SSUH2: variants seen among roughly 807,000 people sequenced by gnomAD.
SSUH2 encodes the protein ssu-2 homolog, also known as protein SSUH2 homolog.
Under a neutral mutation model 55.3 loss-of-function variants are expected in SSUH2, and 47 were observed. That is an observed-to-expected ratio of 0.85 (90% CI 0.67 to 1.08). The LOEUF (loss-of-function observed/expected upper bound fraction) is 1.08, where lower values mean the gene tolerates loss of function less well. Ranked by LOEUF, SSUH2 falls within the 50% of genes least tolerant of loss-of-function variation. SSUH2 has a pLI of 0.00. For synonymous variants in SSUH2, 212 were observed against 191.5 expected, an observed-to-expected ratio of 1.11 and a Z score of -0.89; for missense variants, 535 against 490.7, an observed-to-expected ratio of 1.09 and a Z score of -0.85.
At chr3:8,651,992 C>T (rs1702465123) in intron 7 of SSUH2, 1 of 152,578 alleles carries the variant, frequency 6.6e-6, no homozygotes, top group Admixed American at 6.5e-5. Flanking sequence ...TCACTCACCC[C>T]TCCATCCGGG....
At chr3:8,670,582 C>T (rs1559534158) in intron 5 of SSUH2, among the ~76,000 whole-genome samples, 1 of 152,034 alleles carries the variant, frequency 6.6e-6, no homozygotes, top group Non-Finnish European at 1.5e-5. Context: ...TAACATCCCC[C>T]TTGGATATTA....
At chr3:8,620,759 C>T (rs138101795) in intron 11 of SSUH2, among the ~76,000 whole-genome samples, 6 of 152,294 alleles carry the variant, frequency 3.9e-5, no homozygotes, top group African/African-American at 1.2e-4. Flanking sequence ...AGGATAAAGT[C>T]GGTTTAAACA....
chr3:8,665,367 G>A (rs1056636341), intron 5 of SSUH2, among the ~76,000 whole-genome samples: 5 of 152,216 alleles, frequency 3.3e-5, no homozygotes, highest in South Asian at 2.1e-4. Context: ...TTTAATTTTC[G>A]CAGATCAGCC....
intron 6 of SSUH2, among the ~76,000 whole-genome samples, chr3:8,663,184 C>T (rs560778488): frequency 6.6e-6 from 1 of 152,356 alleles, no homozygotes; most frequent in South Asian, 2.1e-4. Context: ...CCCCATTTTA[C>T]AGCTCATAAA....
chr3:8,623,372 C>A, intron 11 of SSUH2, 177 bp downstream of exon 11: 1 of 533,832 alleles, frequency 1.9e-6, no homozygotes, highest in Non-Finnish European at 3.4e-6. Context: ...CTGCGTCTTA[C>A]TTGCCCTGCT....
intron 3 of SSUH2, chr3:8,634,454 G>A: frequency 3.9e-6 from 5 of 1,289,944 alleles, no homozygotes; most frequent in Non-Finnish European, 5.1e-6. Flanking sequence ...TCCTCCCCTT[G>A]CATCTTCATG....
At chr3:8,666,821 G>A (rs1184207006) in intron 5 of SSUH2, among the ~76,000 whole-genome samples, 2 of 152,206 alleles carry the variant, frequency 1.3e-5, no homozygotes, top group African/African-American at 2.4e-5. Flanking sequence ...TGACCAACCT[G>A]CTTCAAGTTG....
chr3:8,620,898 T>C (rs1485572863), intron 11 of SSUH2, among the ~76,000 whole-genome samples: 1 of 152,244 alleles, frequency 6.6e-6, no homozygotes, highest in Admixed American at 6.5e-5. Context: ...ATTTTCAGGA[T>C]GGGGACCTCA....
At chr3:8,643,372 T>C (rs1471078761) in intron 1 of SSUH2, among the ~76,000 whole-genome samples, 1 of 152,162 alleles carries the variant, frequency 6.6e-6, no homozygotes, top group East Asian at 1.9e-4. Context: ...GAAACTCTAA[T>C]CATAAATGGA....
At position 8,629,654 on chromosome 3, in the gene SSUH2, G is replaced by GATGACTCACCAGTGGTTCACAA; in HGVS notation, c.588+9_588+10insTTGTGAACCACTGGTGAGTCAT. The GATGACTCACCAGTGGTTCACAA allele has an allele frequency of 6.2e-7, 1 of 1,614,070 alleles. No homozygotes were observed. Among genetic ancestry groups the GATGACTCACCAGTGGTTCACAA allele is most frequent in the Non-Finnish European group, 8.5e-7 (1 of 1,179,954 alleles). On this transcript the variant is annotated intron_variant, in intron 7 of 11. Transcript: ENST00000544814. Reference sequence around the variant, plus strand: ...CTCACTGACTCACCAGTGGTTCACAGATGACTCACCGTGCCCGCCCCGTGG... The same window carrying GATGACTCACCAGTGGTTCACAA: ...CTCACTGACTCACCAGTGGTTCACAGATGACTCACCAGTGGTTCACAAATGACTCACCGTGCCCGCCCCGTGG...
rs145855048 is a variant in SSUH2, at chr3:8,632,056, G to T, written c.393C>A (p.Pro131=). 1 of 1,613,626 alleles carries T rather than the reference G, an allele frequency of 6.2e-7. No homozygotes were observed. Among genetic ancestry groups the T allele is most frequent in the East Asian group, 2.2e-5 (1 of 44,868 alleles). Residue 131 remains proline (P), a synonymous_variant, in exon 5 of 12, where the codon CCC becomes CCA. Coordinates refer to ENST00000544814, the MANE Select transcript of SSUH2 (RefSeq NM_001256748.3). Reference sequence around the variant, plus strand: ...TTCAGACAATTCACTTACTAGTAAAGGGTTGAAATGTCCACTCGCTTATCC... The same window carrying T: ...TTCAGACAATTCACTTACTAGTAAATGGTTGAAATGTCCACTCGCTTATCC... The part of the protein sequence containing the change: ...ESRISEWTFQ[P]FTNHSVDGPQ...
intron 3 of SSUH2, among the ~76,000 whole-genome samples, chr3:8,673,333 G>A (rs892658357): frequency 2.0e-5 from 3 of 151,884 alleles, no homozygotes; most frequent in African/African-American, 4.8e-5. Context: ...TATTAATTGC[G>A]GTAAGTCACA....
chr3:8,633,562 A>C, intron 4 of SSUH2, 104 bp downstream of exon 4: 536 of 773,192 alleles, frequency 6.9e-4, no homozygotes, highest in Non-Finnish European at 9.7e-4. Context: ...TGCCCCCAGG[A>C]CTCCTTTCCC....
At chr3:8,639,928 TA>T in intron 1 of SSUH2, 4 of 980,374 alleles carry the variant, frequency 4.1e-6, no homozygotes, top group Non-Finnish European at 4.8e-6. Flanking sequence ...ACGTAAGTGT[TA>T]GGGGAACAGC....
At chr3:8,676,678 A>G (rs1436274339) in intron 3 of SSUH2, among the ~76,000 whole-genome samples, 1 of 150,062 alleles carries the variant, frequency 6.7e-6, no homozygotes, top group Non-Finnish European at 1.5e-5. Flanking sequence ...TCTCCCTTTC[A>G]GGATATTAAT....
chr3:8,676,720 G>A (rs1255526961), intron 3 of SSUH2, among the ~76,000 whole-genome samples: 3 of 150,124 alleles, frequency 2.0e-5, no homozygotes, highest in African/African-American at 7.3e-5. Flanking sequence ...AACACAGCCT[G>A]CGATGCTGGA....
chr3:8,670,479 A>C (rs1165799866), intron 5 of SSUH2, among the ~76,000 whole-genome samples: 1 of 151,950 alleles, frequency 6.6e-6, no homozygotes, highest in East Asian at 1.9e-4. Context: ...TGTACACCCC[A>C]TGTGACATTA....
At chr3:8,647,593 T>C (rs867275668), upstream of SSUH2, among the ~76,000 whole-genome samples, 14 of 152,302 alleles carry the variant, frequency 9.2e-5, no homozygotes, top group Middle Eastern at 0.01. Context: ...GGTCTGGTTA[T>C]TTCTTTTTGT....
intron 1 of SSUH2, among the ~76,000 whole-genome samples, chr3:8,640,487 A>G (rs1233994949): frequency 1.3e-5 from 2 of 152,184 alleles, no homozygotes; most frequent in African/African-American, 4.8e-5. Context: ...AGATGCCCTT[A>G]CCCACAAGAG....
Sources: allele counts gnomAD v4.1 joint callset (sites outside exome capture counted in the v4.1 genomes callset), GRCh38; gene constraint gnomAD v4.1.1; transcripts MANE v1.5; gene names NCBI Gene and HGNC (gene_info 2026-07-23, HGNC 2026-07-21).